Variants in DMD observed in about 807,000 individuals in gnomAD.
DMD encodes the protein dystrophin, also known as mutant dystrophin.
A neutral mutation model predicts 330.1 loss-of-function variants in DMD; 63 were observed. The observed-to-expected ratio is 0.19, with a 90% CI of 0.16 to 0.24. The LOEUF (loss-of-function observed/expected upper bound fraction) is 0.24. Ranked by LOEUF, DMD falls within the 10% of genes least tolerant of loss-of-function variation. DMD has a pLI of 1.00. For missense variants in DMD, 3,344 were observed against 2,684.1 expected (o/e 1.25, Z -5.43); for synonymous variants, 1,223 against 959.8 (o/e 1.27, Z -5.07).
intron 25 of DMD, among the ~76,000 whole-genome samples, chrX:32,455,378 T>C (rs1310354131): frequency 9.0e-6 from 1 of 111,408 alleles, no homozygotes; most frequent in Non-Finnish European, 1.9e-5. Flanking sequence ...CCATTTATAG[T>C]TAAATGATTG....
At chrX:32,279,751 G>T (rs2097406352) in intron 43 of DMD, among the ~76,000 whole-genome samples, 2 of 109,469 alleles carry the variant, frequency 1.8e-5, no homozygotes, top group Non-Finnish European at 3.8e-5. Flanking sequence ...CCTACTATTT[G>T]CTAGCACAAC....
intron 1 of DMD, among the ~76,000 whole-genome samples, chrX:33,320,528 A>T (rs970174371): frequency 1.8e-5 from 2 of 112,463 alleles, no homozygotes; most frequent in Non-Finnish European, 3.8e-5. Context: ...ATTGCTAAAA[A>T]AGCTAGCAAT....
chrX:32,823,252 G>A (rs2078425433), intron 5 of DMD, 43 bp downstream of exon 5: 2 of 1,071,282 alleles, frequency 1.9e-6, no homozygotes, highest in South Asian at 3.7e-5. Context: ...TAAAAAACAA[G>A]ATTAATGTTA....
intron 1 of DMD, among the ~76,000 whole-genome samples, chrX:33,045,298 A>C (rs1389553643): frequency 1.1e-5 from 1 of 90,996 alleles, no homozygotes; most frequent in African/African-American, 4.3e-5. Flanking sequence ...CTTCAGAACT[A>C]CACACACACA....
At chrX:32,129,651 G>A (rs1408951947) in intron 44 of DMD, among the ~76,000 whole-genome samples, 1 of 106,895 alleles carries the variant, frequency 9.4e-6, no homozygotes, top group Non-Finnish European at 1.9e-5. Context: ...CCTATAGATA[G>A]GAATTGGTAG....
At chrX:32,252,791 TAA>T (rs2097276564) in intron 43 of DMD, among the ~76,000 whole-genome samples, 4 of 54,893 alleles carry the variant, frequency 7.3e-5, no homozygotes, top group African/African-American at 4.0e-4. Context: ...TAAATATATA[TAA>T]ATATATATAT....
At chrX:32,935,273 C>T (rs995209699) in intron 2 of DMD, among the ~76,000 whole-genome samples, 1 of 112,660 alleles carries the variant, frequency 8.9e-6, no homozygotes, top group African/African-American at 3.2e-5. Flanking sequence ...CCACCGCGCC[C>T]GGCCTCCCTG....
intron 9 of DMD, among the ~76,000 whole-genome samples, chrX:32,657,252 C>T (rs756520600): frequency 9.0e-6 from 1 of 111,140 alleles, no homozygotes; most frequent in African/African-American, 3.3e-5. Flanking sequence ...TCTCCTAAAT[C>T]AATGGAAGGT....
intron 7 of DMD, among the ~76,000 whole-genome samples, chrX:32,807,144 A>AAAAAAAAAC (rs2077013981): frequency 1.9e-5 from 2 of 103,770 alleles, no homozygotes; most frequent in African/African-American, 3.6e-5. Context: ...AAAAAAAAAA[A>AAAAAAAAAC]AAAAACATCA....
chrX:31,209,808 A>C, intron 64 of DMD, 109 bp from the exon 65 acceptor site: 2 of 724,979 alleles, frequency 2.8e-6, no homozygotes, highest in Non-Finnish European at 4.2e-6. Context: ...CCTTTAATAA[A>C]CACCAAACGT....
At chrX:31,313,371 T>C (rs1200627604) in intron 62 of DMD, among the ~76,000 whole-genome samples, 1 of 110,855 alleles carries the variant, frequency 9.0e-6, no homozygotes, top group African/African-American at 3.3e-5. Flanking sequence ...GAAGGACTAC[T>C]AGAGTAGTTT....
In DMD at chrX:32,299,571, T is replaced by C. The variant is rs754425449; in HGVS notation, c.6117+10511A>G. On this transcript the variant is annotated intron_variant, in intron 42 of 78. Transcript: ENST00000357033. ...TATCTTTAACTTTGAAAACATTTTC[T>C]GCATCAAGAAACTGTATAGCGTAGT... Among the ~76,000 whole-genome samples, 3 of 109,989 alleles carry C rather than the reference T, an allele frequency of 2.7e-5. No homozygotes were observed. In the South Asian group the frequency reaches 1.2e-3, roughly 43 times the overall value.
In DMD at chrX:31,147,495, C is replaced by T. The variant is rs139547504; in HGVS notation, c.10577G>A (p.Arg3526His). 52 of 1,194,483 alleles carry T rather than the reference C, an allele frequency of 4.4e-5. No individual in the cohort carries two copies. The East Asian group carries it at 1.1e-3, about 25-fold the overall frequency. Residue 3526 changes from arginine (R) to histidine (H), a missense_variant, in exon 75 of 79, where the codon CGT (arginine) becomes CAT (histidine). Coordinates refer to ENST00000357033, the MANE Select transcript of DMD (RefSeq NM_004006.3). ...ENRNLQAEYD[R>H]LKQQHEHKGL... ...TTTATGTTCGTGCTGCTGCTTTAGA[C>T]GGTCATATTCTGCTTGCAGATTCCT...
intron 1 of DMD, among the ~76,000 whole-genome samples, chrX:33,023,984 C>T (rs1022846985): frequency 1.8e-5 from 2 of 111,382 alleles, no homozygotes; most frequent in South Asian, 3.7e-4. Context: ...AAATTTTATA[C>T]GTATTTACTT....
intron 44 of DMD, among the ~76,000 whole-genome samples, chrX:32,201,481 C>G (rs550495577): frequency 9.7e-4 from 93 of 95,895 alleles, no homozygotes; most frequent in South Asian, 4.4e-3. Flanking sequence ...CCCCCCCCCC[C>G]CCAACAAGGA....
At chrX:32,758,901 AT>A (rs2071863016) in intron 7 of DMD, among the ~76,000 whole-genome samples, 1 of 111,869 alleles carries the variant, frequency 8.9e-6, no homozygotes, top group South Asian at 3.7e-4. Context: ...GACATGTAAA[AT>A]GAAAAAAATA....
At chrX:31,553,867 T>C (rs994521894) in intron 55 of DMD, among the ~76,000 whole-genome samples, 1 of 112,723 alleles carries the variant, frequency 8.9e-6, no homozygotes, top group Admixed American at 9.4e-5. Flanking sequence ...AAAGACAATG[T>C]TTTTTTACTG....
At chrX:33,082,556 A>G (rs1441598319) in intron 1 of DMD, among the ~76,000 whole-genome samples, 3 of 112,450 alleles carry the variant, frequency 2.7e-5, no homozygotes, top group Non-Finnish European at 5.6e-5. Context: ...AGCCTTAGCT[A>G]CTGAGCTATA....
In DMD at chrX:33,024,600, G is replaced by A. The variant is rs765177737; in HGVS notation, c.32-4400C>T. On this transcript the variant is annotated intron_variant, in intron 1 of 78. Transcript: ENST00000357033. Reference sequence around the variant, plus strand: ...AAAGTTATTTTTATTCAGTATATGTGGCCTTTCATATTTTTTAAGATTAGT... The same window carrying A: ...AAAGTTATTTTTATTCAGTATATGTAGCCTTTCATATTTTTTAAGATTAGT... Among the ~76,000 whole-genome samples, 6 of 111,637 alleles carry A rather than the reference G, an allele frequency of 5.4e-5. No homozygotes were observed. In the East Asian group the frequency reaches 1.7e-3, roughly 31 times the overall value.
Sources: gnomAD v4.1 joint callset for allele counts (sites outside exome capture counted in the v4.1 genomes callset) on GRCh38, gnomAD v4.1.1 for gene constraint, MANE v1.5 for transcripts, NCBI Gene and HGNC (gene_info 2026-07-23, HGNC 2026-07-21) for gene names.